FBXL17: variants seen among roughly 807,000 people sequenced by gnomAD.
The protein encoded by FBXL17 is F-box/LRR-repeat protein 17.
Under a neutral mutation model 66.2 loss-of-function variants are expected in FBXL17, and 22 were observed. The ratio of observed to expected loss-of-function variants is 0.33; its 90% confidence interval spans 0.24 to 0.47. The LOEUF is 0.47. Ranked by LOEUF, FBXL17 falls within the 20% of genes least tolerant of loss-of-function variation. The probability of loss-of-function intolerance (pLI) is 1.00; values close to 1 mark genes in which losing one functional copy is unlikely to be tolerated. For synonymous variants in FBXL17, 474 were observed against 400.5 expected, an observed-to-expected ratio of 1.18 and a Z score of -2.19; for missense variants, 878 against 948.2, an observed-to-expected ratio of 0.93 and a Z score of 0.97.
intron 4 of FBXL17, among the ~76,000 whole-genome samples, chr5:108,229,737 A>G (rs1245583438): frequency 1.3e-5 from 2 of 152,204 alleles, no homozygotes; most frequent in Non-Finnish European, 2.9e-5. Context: ...TAAACTAAAG[A>G]GCTTCTGCAC....
intron 6 of FBXL17, among the ~76,000 whole-genome samples, chr5:108,103,098 C>A (rs769510116): frequency 1.3e-5 from 2 of 152,150 alleles, no homozygotes; most frequent in Non-Finnish European, 2.9e-5. Flanking sequence ...AGGACTATTC[C>A]ATTTTTCTGT....
chr5:108,370,719 T>G lies in FBXL17; in HGVS notation c.994-2766A>C, dbSNP rs1444923367. 2.0e-5 allele frequency among the ~76,000 whole-genome samples: 3 copies of G among 148,674 alleles called. No homozygotes were observed. In the East Asian group the frequency reaches 5.9e-4, roughly 29 times the overall value. On this transcript the variant is annotated intron_variant, in intron 1 of 8. Coordinates refer to ENST00000542267, the MANE Select transcript of FBXL17 (RefSeq NM_001163315.3). ...GATTGCACCACTGCACTCCAGCCCG[T>G]GCAACAGAGCAAGACTCCTTCTCGG...
At chr5:108,104,707 T>C (rs1433502424) in intron 6 of FBXL17, among the ~76,000 whole-genome samples, 2 of 152,244 alleles carry the variant, frequency 1.3e-5, no homozygotes, top group Non-Finnish European at 2.9e-5. Context: ...CACAGTTTTG[T>C]GACAAAGCAA....
intron 4 of FBXL17, among the ~76,000 whole-genome samples, chr5:108,325,589 T>C (rs1443204807): frequency 6.6e-6 from 1 of 152,114 alleles, no homozygotes; most frequent in Non-Finnish European, 1.5e-5. Context: ...AATATTAACA[T>C]AGCAGGTCCC....
intron 4 of FBXL17, among the ~76,000 whole-genome samples, chr5:108,340,123 T>A (rs1167610598): frequency 2.0e-5 from 3 of 149,316 alleles, no homozygotes; most frequent in South Asian, 4.2e-4. Flanking sequence ...CCAAGCTATG[T>A]GATTAAAAAA....
intron 7 of FBXL17, among the ~76,000 whole-genome samples, chr5:107,982,202 T>C (rs1752856225): frequency 6.6e-6 from 1 of 152,284 alleles, no homozygotes; most frequent in East Asian, 1.9e-4. Context: ...TTGTCTTTAG[T>C]ACATAAATAA....
intron 6 of FBXL17, among the ~76,000 whole-genome samples, chr5:108,048,472 A>C (rs571555277): frequency 1.5e-3 from 231 of 152,312 alleles, no homozygotes; most frequent in Non-Finnish European, 2.5e-3. Context: ...AAACTGACAA[A>C]AGTAGGCTTC....
chr5:107,884,728 T>G (rs1429391039), intron 7 of FBXL17, among the ~76,000 whole-genome samples: 6 of 152,210 alleles, frequency 3.9e-5, no homozygotes, highest in Non-Finnish European at 7.3e-5. Context: ...GGATCACATT[T>G]AACTTTTCTG....
chr5:107,883,004 T>C (rs749142080), intron 7 of FBXL17, among the ~76,000 whole-genome samples: 8 of 152,192 alleles, frequency 5.3e-5, no homozygotes, highest in Non-Finnish European at 8.8e-5. Flanking sequence ...TCACTGATGT[T>C]TGAAGGCTTT....
chr5:108,129,491 C>T (rs1408844871), intron 6 of FBXL17, among the ~76,000 whole-genome samples: 1 of 152,012 alleles, frequency 6.6e-6, no homozygotes, highest in Non-Finnish European at 1.5e-5. Flanking sequence ...TATCATTTTC[C>T]TTTAGAATCA....
chr5:108,200,793 A>G (rs1443644094), intron 5 of FBXL17, among the ~76,000 whole-genome samples: 3 of 152,110 alleles, frequency 2.0e-5, no homozygotes, highest in Admixed American at 6.6e-5. Flanking sequence ...AAGGTTTTGT[A>G]AATACACTGT....
At position 108,178,110 on chromosome 5, in the gene FBXL17, C is replaced by A. The variant is rs1752864913; in HGVS notation, c.1745+8007G>T. Among the ~76,000 whole-genome samples, 4 of 151,990 alleles carry A rather than the reference C, an allele frequency of 2.6e-5. No homozygotes were observed. In the South Asian group the frequency reaches 8.3e-4, roughly 32 times the overall value. On this transcript the variant is annotated intron_variant, in intron 6 of 8. Coordinates refer to ENST00000542267, the MANE Select transcript of FBXL17 (RefSeq NM_001163315.3). ...GCACGATCACAGCTCACTGCAATCT[C>A]TGCCTCCCAGTCTCAAGCAATCTTC...
At chr5:108,257,420 A>G (rs1265085939) in intron 4 of FBXL17, among the ~76,000 whole-genome samples, 1 of 152,318 alleles carries the variant, frequency 6.6e-6, no homozygotes, top group Middle Eastern at 3.4e-3. Context: ...AAATCTTACC[A>G]AGGCCGTAAA....
At chr5:108,029,946 T>C (rs1005882444) in intron 6 of FBXL17, among the ~76,000 whole-genome samples, 5 of 152,126 alleles carry the variant, frequency 3.3e-5, no homozygotes, top group African/African-American at 1.2e-4. Context: ...AGTCCATTTG[T>C]CTGTAAAATA....
chr5:107,862,832 T>C (rs1209814768), intron 8 of FBXL17, among the ~76,000 whole-genome samples: 1 of 141,936 alleles, frequency 7.0e-6, no homozygotes, highest in African/African-American at 2.5e-5. Context: ...CCCTTGCTGT[T>C]TGCTTTGAAA....
chr5:107,875,879 C>G (rs937751556), intron 8 of FBXL17, among the ~76,000 whole-genome samples: 2 of 152,216 alleles, frequency 1.3e-5, no homozygotes, highest in African/African-American at 4.8e-5. Context: ...GGCCTGAAGG[C>G]AGCTGGATAA....
At chr5:108,304,611 C>G (rs983425332) in intron 4 of FBXL17, among the ~76,000 whole-genome samples, 3 of 152,034 alleles carry the variant, frequency 2.0e-5, no homozygotes, top group Non-Finnish European at 2.9e-5. Flanking sequence ...ATACACCTAT[C>G]TGCAAGCCCT....
intron 6 of FBXL17, among the ~76,000 whole-genome samples, chr5:108,143,173 C>G (rs967575705): frequency 6.6e-6 from 1 of 151,906 alleles, no homozygotes; most frequent in Non-Finnish European, 1.5e-5. Context: ...TCCACAAAAC[C>G]AGTCCCTGGT....
At chr5:107,927,407 A>G (rs183253403) in intron 7 of FBXL17, among the ~76,000 whole-genome samples, 69 of 152,302 alleles carry the variant, frequency 4.5e-4, no homozygotes, top group African/African-American at 1.6e-3. Flanking sequence ...TAGACGGCCA[A>G]GCAAATGCTT....
Sources: gnomAD v4.1 joint callset for allele counts (sites outside exome capture counted in the v4.1 genomes callset) on GRCh38, gnomAD v4.1.1 for gene constraint, MANE v1.5 for transcripts, NCBI Gene and HGNC (gene_info 2026-07-23, HGNC 2026-07-21) for gene names.